The following CRACD variants were observed in gnomAD, a reference collection of about 807,000 sequenced individuals.
CRACD encodes the protein capping protein inhibiting regulator of actin dynamics.
In CRACD, 56 loss-of-function variants were observed where a neutral mutation model predicts 106.8. The observed-to-expected ratio is 0.52, with a 90% confidence interval of 0.42 to 0.66. The LOEUF (loss-of-function observed/expected upper bound fraction) is 0.66, where lower values mean the gene tolerates loss of function less well. Ranked by LOEUF, CRACD falls within the 30% of genes least tolerant of loss-of-function variation. The probability of loss-of-function intolerance (pLI) is 0.00; values close to 1 mark genes in which losing one functional copy is unlikely to be tolerated. For missense variants in CRACD, 1,730 were observed against 1,623.2 expected (o/e 1.07, Z -1.13); for synonymous variants, 754 against 670.8 (o/e 1.12, Z -1.92).
chr4:56,267,844 C>T (rs972969182), intron 2 of CRACD, among the ~76,000 whole-genome samples: 1 of 152,118 alleles, frequency 6.6e-6, no homozygotes, highest in Non-Finnish European at 1.5e-5. Flanking sequence ...GATAGGGTAC[C>T]TTTTTGATAA....
intron 1 of CRACD, among the ~76,000 whole-genome samples, chr4:56,170,040 GAACAACAAC>G (rs199946852): frequency 6.6e-6 from 1 of 151,866 alleles, no homozygotes; most frequent in Non-Finnish European, 1.5e-5. Context: ...CTGAGTAGCA[GAACAACAAC>G]AACAACAACA....
chr4:56,145,975 C>T (rs370237400), intron 1 of CRACD, among the ~76,000 whole-genome samples: 2 of 151,852 alleles, frequency 1.3e-5, no homozygotes, highest in African/African-American at 2.4e-5. Flanking sequence ...TTCTAGTTTC[C>T]GAGAGTTAAA....
intron 1 of CRACD, among the ~76,000 whole-genome samples, chr4:56,131,458 A>G (rs1008661648): frequency 2.0e-5 from 3 of 151,340 alleles, no homozygotes; most frequent in African/African-American, 7.3e-5. Flanking sequence ...ATAGGCAGGC[A>G]CAAATGGTAT....
Position 56,312,224 on chromosome 4 carries a change from G to A in CRACD, c.355-973G>A, listed in dbSNP as rs188156134. On this transcript the variant is annotated intron_variant, in intron 6 of 10. Coordinates refer to ENST00000682029, the MANE Select transcript of CRACD (RefSeq NM_001393381.1). The stretch of plus-strand genomic sequence containing the variant: ...GGGCTAGGCTAGAGTGCAGCCTAGC[G>A]ATCTCAGCTCACTGCAACCTCCGCA... 3.3e-5 allele frequency among the ~76,000 whole-genome samples: 5 copies of A among 152,184 alleles called. No homozygotes were observed. In the South Asian group the frequency reaches 8.3e-4, roughly 25 times the overall value.
chr4:56,228,066 T>C (rs1208052115), intron 2 of CRACD, among the ~76,000 whole-genome samples: 1 of 152,122 alleles, frequency 6.6e-6, no homozygotes, highest in Non-Finnish European at 1.5e-5. Flanking sequence ...CCTAGGCCCC[T>C]ACCCTGTCCC....
At chr4:56,269,914 A>C (rs556453896) in intron 2 of CRACD, among the ~76,000 whole-genome samples, 1 of 152,322 alleles carries the variant, frequency 6.6e-6, no homozygotes, top group Admixed American at 6.5e-5. Flanking sequence ...TCCAAACTAT[A>C]TCACACACTT....
intron 1 of CRACD, among the ~76,000 whole-genome samples, chr4:56,133,720 A>T (rs1734901343): frequency 6.6e-6 from 1 of 152,372 alleles, no homozygotes; most frequent in Non-Finnish European, 1.5e-5. Context: ...GGTTGAAACA[A>T]GGATATGATT....
chr4:56,144,082 G>A (rs1211924554), intron 1 of CRACD, among the ~76,000 whole-genome samples: 1 of 152,172 alleles, frequency 6.6e-6, no homozygotes, highest in Non-Finnish European at 1.5e-5. Flanking sequence ...AATCAGGCAG[G>A]AGTGGAAAGG....
intron 2 of CRACD, among the ~76,000 whole-genome samples, chr4:56,201,603 T>A (rs529281926): frequency 6.6e-6 from 1 of 152,286 alleles, no homozygotes; most frequent in East Asian, 1.9e-4. Flanking sequence ...TACGGAAGTT[T>A]CACAGATGGC....
chr4:56,188,680 TCTCTCTCA>T (rs1317657103), intron 2 of CRACD, among the ~76,000 whole-genome samples: 1 of 109,906 alleles, frequency 9.1e-6, no homozygotes, highest in African/African-American at 4.7e-5. Flanking sequence ...TCTCTCTCTC[TCTCTCTCA>T]CACACACACA....
At position 56,090,836 on chromosome 4, in the gene CRACD, T is replaced by C. The variant is rs575960359; in HGVS notation, c.-336+41537T>C. ...CTGAAGGAGTGGAGGAAGCCACAGT[T>C]AGGGGATGGGAGGACGTGACTCTGT... On this transcript the variant is annotated intron_variant, in intron 1 of 10. Coordinates refer to ENST00000682029, the MANE Select transcript of CRACD (RefSeq NM_001393381.1). Among the ~76,000 whole-genome samples, 150 of 152,192 alleles carry C rather than the reference T, an allele frequency of 9.9e-4. 1 individual carries two copies. Among genetic ancestry groups the C allele is most frequent in the Admixed American group, 2.2e-3 (34 of 15,282 alleles).
intron 2 of CRACD, among the ~76,000 whole-genome samples, chr4:56,243,724 T>C (rs1740505369): frequency 6.6e-6 from 1 of 152,196 alleles, no homozygotes. Flanking sequence ...ATAAGCATCA[T>C]GGAGAATGGG....
In CRACD at chr4:56,329,145, A is replaced by G. The variant is rs1746647168; in HGVS notation, c.*1341A>G. Among the ~76,000 whole-genome samples, 1 of 152,228 alleles carries G rather than the reference A, an allele frequency of 6.6e-6. No homozygotes were observed. The highest frequency in any genetic ancestry group is 2.4e-5 in the African/African-American group (1 of 41,464). ...GGACTTGGCAGTTTAAAAGCCACAT[A>G]TATTCACTTTTATTGCCCTAAATTT... is the stretch of plus-strand genomic sequence containing the variant. On this transcript the variant is annotated 3_prime_UTR_variant, in exon 11 of 11. Transcript: ENST00000682029.
Position 56,070,409 on chromosome 4 carries a change from T to C in CRACD, c.-336+21110T>C, listed in dbSNP as rs562300574. On this transcript the variant is annotated intron_variant, in intron 1 of 10. Transcript: ENST00000682029. ...CCGCCTCCCGGGTTCACGCCATTCT[T>C]CTGCCTCAGCCTCCCGAGTAGCTGG... Among the ~76,000 whole-genome samples the C allele has an allele frequency of 9.9e-4, 151 of 152,086 alleles. 1 individual carries two copies. Among genetic ancestry groups the C allele is most frequent in the African/African-American group, 3.0e-3 (123 of 41,480 alleles).
chr4:56,282,939 C>T (rs809625), intron 3 of CRACD, among the ~76,000 whole-genome samples: 109,069 of 152,156 alleles, frequency 0.72, 39,305 homozygotes, highest in African/African-American at 0.77. Flanking sequence ...GACGCCTCTC[C>T]GCTCTCCTTA....
At position 56,304,313 on chromosome 4, in the gene CRACD, T is replaced by C. The variant is rs1462782293; in HGVS notation, c.121-3222T>C. Among the ~76,000 whole-genome samples the C allele has an allele frequency of 7.3e-3, 6 of 818 alleles. No homozygotes were observed. The South Asian group carries it at 0.083, about 11-fold the overall frequency. 0.5% of individuals were successfully genotyped at this position (818 alleles called of 152,430 possible). A position where few individuals can be genotyped will look rare whatever the true frequency, so the allele number is the denominator to read the frequency against. The stretch of plus-strand genomic sequence containing the variant: ...ACCTTCTTTTTCCTGTTCTTATTCC[T>C]TTTTTTTTTTTTTTTTTCTTTCCAT... On this transcript the variant is annotated intron_variant, in intron 4 of 10. Transcript: ENST00000682029.
chr4:56,240,156 CA>C (rs975920238), intron 2 of CRACD, among the ~76,000 whole-genome samples: 4 of 151,822 alleles, frequency 2.6e-5, no homozygotes, highest in African/African-American at 9.7e-5. Flanking sequence ...TTCCTTGTCC[CA>C]AAAGGCATAT....
chr4:56,283,612 G>A (rs766628289), intron 3 of CRACD, among the ~76,000 whole-genome samples: 2 of 152,132 alleles, frequency 1.3e-5, no homozygotes, highest in Non-Finnish European at 2.9e-5. Flanking sequence ...CAAAGATGTA[G>A]GGAACACAGC....
chr4:56,315,106 G>A lies in CRACD; in HGVS notation c.1604G>A (p.Arg535Gln), dbSNP rs759509375. 3.1e-6 allele frequency: 5 copies of A among 1,610,814 alleles called. No individual in the cohort carries two copies. The highest frequency in any genetic ancestry group is 2.2e-5 in the East Asian group (1 of 44,750). The stretch of plus-strand genomic sequence containing the variant: ...GTGGACGAGAGACAGACCATGCCCC[G>A]GCCCTACACGTTCCAGGTGTCCTCC... ...QEVDERQTMPRPYTFQVSSGG... is the reference protein window; with the variant it reads ...QEVDERQTMPQPYTFQVSSGG... Residue 535 changes from arginine (R) to glutamine (Q), a missense_variant, in exon 8 of 11, where the codon CGG (arginine) becomes CAG (glutamine). Physicochemically the swap from Arg to Gln is conservative, Grantham distance 43 (BLOSUM62 1). Transcript: ENST00000682029. The surrounding 1 kb of genome is among the most constrained non-coding windows in gnomAD (Gnocchi z 4.1).
Sources: gnomAD v4.1 joint callset for allele counts (sites outside exome capture counted in the v4.1 genomes callset) on GRCh38, gnomAD v4.1.1 for gene constraint, Gnocchi (gnomAD v3.1) non-coding constraint, MANE v1.5 for transcripts, NCBI Gene and HGNC (gene_info 2026-07-23, HGNC 2026-07-21) for gene names.